Variants in HIKESHI observed in about 807,000 individuals in gnomAD.
The protein encoded by HIKESHI is protein Hikeshi.
Under a neutral mutation model 25.7 loss-of-function variants are expected in HIKESHI, and 13 were observed. The observed-to-expected ratio is 0.51, with a 90% CI of 0.33 to 0.80. The LOEUF (loss-of-function observed/expected upper bound fraction) is 0.80, where lower values mean the gene tolerates loss of function less well. HIKESHI is among the 30% of genes least tolerant of loss of function. The pLI, the probability that HIKESHI is intolerant of heterozygous loss-of-function variation, is 0.02. For missense variants in HIKESHI, 174 were observed against 229.5 expected (o/e 0.76, Z 1.56); for synonymous variants, 76 against 78.7 (o/e 0.97, Z 0.18).
chr11:86,322,457 A>G (rs181863895), intron 2 of HIKESHI, among the ~76,000 whole-genome samples: 91 of 152,098 alleles, frequency 6.0e-4, no homozygotes, highest in African/African-American at 2.1e-3. Flanking sequence ...GTGTGTGTGT[A>G]TATATGTACA....
At chr11:86,333,872 C>T (rs1947480774) in intron 2 of HIKESHI, among the ~76,000 whole-genome samples, 1 of 152,150 alleles carries the variant, frequency 6.6e-6, no homozygotes, top group East Asian at 1.9e-4. Context: ...AGAGGATAGC[C>T]ATCCTTCAAC....
intron 2 of HIKESHI, among the ~76,000 whole-genome samples, chr11:86,306,941 AG>A (rs949219256): frequency 1.3e-5 from 2 of 150,530 alleles, no homozygotes; most frequent in African/African-American, 4.9e-5. Flanking sequence ...TGGAGCTTGC[AG>A]TGAGCCAAGA....
At chr11:86,329,476 C>CT (rs1164328297) in intron 2 of HIKESHI, among the ~76,000 whole-genome samples, 2 of 151,876 alleles carry the variant, frequency 1.3e-5, no homozygotes, top group African/African-American at 4.8e-5. Context: ...GTTAAAGTCC[C>CT]TAATTAGCTC....
intron 2 of HIKESHI, among the ~76,000 whole-genome samples, chr11:86,314,102 A>C (rs564380311): frequency 6.6e-6 from 1 of 152,304 alleles, no homozygotes; most frequent in African/African-American, 2.4e-5. Context: ...CCATAATGTA[A>C]ATACTCAAAT....
intron 3 of HIKESHI, among the ~76,000 whole-genome samples, chr11:86,342,478 CGTGTGTGTGT>C (rs34980731): frequency 0.022 from 3,186 of 147,424 alleles, 47 homozygotes; most frequent in African/African-American, 0.037. Context: ...TAAAGATGTT[CGTGTGTGTGT>C]GTGTGTGTGT....
intron 2 of HIKESHI, among the ~76,000 whole-genome samples, chr11:86,316,601 A>G (rs1481600036): frequency 2.6e-5 from 4 of 152,110 alleles, no homozygotes; most frequent in African/African-American, 9.7e-5. Context: ...GGCATTGGAA[A>G]TAATTTCAAC....
intron 2 of HIKESHI, among the ~76,000 whole-genome samples, chr11:86,315,078 T>C (rs1052528572): frequency 6.6e-6 from 1 of 152,254 alleles, no homozygotes; most frequent in Admixed American, 6.5e-5. Flanking sequence ...TAAATCATTT[T>C]TTATTCTTCG....
intron 3 of HIKESHI, among the ~76,000 whole-genome samples, chr11:86,340,692 C>T (rs905298987): frequency 6.6e-6 from 1 of 152,188 alleles, no homozygotes; most frequent in African/African-American, 2.4e-5. Context: ...GTTGCCCAGG[C>T]TGGAGTGCAA....
chr11:86,306,290 G>T lies in HIKESHI; in HGVS notation c.76G>T (p.Asp26Tyr). Residue 26 changes from aspartate to tyrosine, a missense_variant, in exon 2 of 5, where the codon GAC becomes TAC. By Grantham distance (160) the Asp-to-Tyr change is radical (BLOSUM62 -3). Transcript: ENST00000278483. ...AGTGGCAGAGGATAAATTTGTTTTT[G>T]ACTTACCTGATTATGAAAGTATCAA... Reference protein sequence around the residue: ...QQVAEDKFVFDLPDYESINHV... With the variant: ...QQVAEDKFVFYLPDYESINHV... 1 of 1,613,938 alleles carries T rather than the reference G, an allele frequency of 6.2e-7. No individual in the cohort carries two copies. The highest frequency in any genetic ancestry group is 1.1e-5 in the South Asian group (1 of 91,036).
Position 86,306,348 on chromosome 11 carries a change from C to A in HIKESHI, c.134C>A (p.Pro45Gln), listed in dbSNP as rs1333332149. ...GTGGTTTTTATGCTGGGAACAATCC[C>A]ATTTCCTGAGGGAATGGGAGGATCT... ...HVVVFMLGTIPFPEGMGGSVY... is the reference protein window; with the variant it reads ...HVVVFMLGTIQFPEGMGGSVY... Residue 45 changes from proline to glutamine, a missense_variant, in exon 2 of 5, where the codon CCA becomes CAA. Pro to Gln is a moderately conservative substitution (Grantham distance 76, BLOSUM62 -1). Coordinates refer to ENST00000278483, the MANE Select transcript of HIKESHI (RefSeq NM_016401.4). The A allele has an allele frequency of 6.2e-7, 1 of 1,613,788 alleles. No individual in the cohort carries two copies. The highest frequency in any genetic ancestry group is 1.3e-5 in the African/African-American group (1 of 74,914).
chr11:86,327,669 C>G (rs2847470), intron 2 of HIKESHI, among the ~76,000 whole-genome samples: 107,742 of 152,068 alleles, frequency 0.71, 38,529 homozygotes, highest in East Asian at 0.82. Context: ...TTTGCTCAGA[C>G]AGTCTGCTAA....
chr11:86,341,192 T>G (rs373153534), intron 3 of HIKESHI, among the ~76,000 whole-genome samples: 1 of 152,230 alleles, frequency 6.6e-6, no homozygotes. Context: ...CTTCCCAACA[T>G]GTACATACTT....
At chr11:86,338,637 C>T (rs376986579) in intron 3 of HIKESHI, among the ~76,000 whole-genome samples, 1 of 152,184 alleles carries the variant, frequency 6.6e-6, no homozygotes, top group African/African-American at 2.4e-5. Context: ...CTGGCAGTAC[C>T]AGAGGCGCAC....
intron 2 of HIKESHI, among the ~76,000 whole-genome samples, chr11:86,333,257 C>T (rs74397401): frequency 0.047 from 7,128 of 152,014 alleles, 455 homozygotes; most frequent in African/African-American, 0.14. Flanking sequence ...AATATGAGGC[C>T]GGGTGCGGTG....
rs71040230 is a variant in HIKESHI, at chr11:86,318,303, C to CAAAAAAAAAAAAA, written c.268+11829_268+11841dup. ...TGGGCGACAGAGCAAGACTCCGTCT[C>CAAAAAAAAAAAAA]AAAAAAAAAAAAAAAAAAAATCCTG... On this transcript the variant is annotated intron_variant, in intron 2 of 4. Coordinates refer to ENST00000278483, the MANE Select transcript of HIKESHI (RefSeq NM_016401.4). Among the ~76,000 whole-genome samples the CAAAAAAAAAAAAA allele has an allele frequency of 7.7e-3, 274 of 35,642 alleles. 32 individuals are homozygous for CAAAAAAAAAAAAA. Among genetic ancestry groups the CAAAAAAAAAAAAA allele is most frequent in the Non-Finnish European group, 0.012 (220 of 19,076 alleles). The allele number at this position is 35,642 out of a possible 152,430, so 23.4% of individuals were successfully genotyped here. A position where few individuals can be genotyped will look rare whatever the true frequency, so the allele number is the denominator to read the frequency against.
At chr11:86,337,047 C>T (rs1447672755) in intron 2 of HIKESHI, among the ~76,000 whole-genome samples, 1 of 152,106 alleles carries the variant, frequency 6.6e-6, no homozygotes, top group African/African-American at 2.4e-5. Context: ...TCATTGCTGG[C>T]AGACCTGCTC....
intron 2 of HIKESHI, among the ~76,000 whole-genome samples, chr11:86,326,281 G>C (rs1257342057): frequency 6.6e-6 from 1 of 152,194 alleles, no homozygotes. Flanking sequence ...CTGGGCGACA[G>C]AGGGAGACTC....
intron 2 of HIKESHI, among the ~76,000 whole-genome samples, chr11:86,328,308 G>T (rs1014384774): frequency 6.6e-6 from 1 of 151,782 alleles, no homozygotes; most frequent in East Asian, 1.9e-4. Context: ...ACCCAGACTG[G>T]AGTGCAGTGG....
chr11:86,313,830 C>T (rs1354948399), intron 2 of HIKESHI, among the ~76,000 whole-genome samples: 1 of 152,064 alleles, frequency 6.6e-6, no homozygotes, highest in African/African-American at 2.4e-5. Context: ...GATATTGGAG[C>T]TCTTTGGCAG....
Sources: allele counts gnomAD v4.1 joint callset (sites outside exome capture counted in the v4.1 genomes callset), GRCh38; gene constraint gnomAD v4.1.1; transcripts MANE v1.5; gene names NCBI Gene and HGNC (gene_info 2026-07-23, HGNC 2026-07-21).